C22orf23: variants seen among roughly 807,000 people sequenced by gnomAD.
The protein encoded by C22orf23 is UPF0193 protein EVG1.
A neutral mutation model predicts 29.7 loss-of-function variants in C22orf23; 30 were observed. The ratio of observed to expected loss-of-function variants is 1.01; its 90% CI spans 0.76 to 1.37. The LOEUF (loss-of-function observed/expected upper bound fraction) is 1.37, where lower values mean the gene tolerates loss of function less well. Among genes scored for constraint, C22orf23 ranks in the 40% most tolerant of loss-of-function variants. C22orf23 has a pLI of 0.00. For missense variants in C22orf23, 237 were observed against 273.1 expected, an observed-to-expected ratio of 0.87 and a Z score of 0.93; for synonymous variants, 90 against 96.1, an observed-to-expected ratio of 0.94 and a Z score of 0.37.
chr22:37,948,763 A>G (rs1930848765), intron 3 of C22orf23, among the ~76,000 whole-genome samples: 1 of 152,226 alleles, frequency 6.6e-6, no homozygotes, highest in Non-Finnish European at 1.5e-5. Context: ...TGATGCTTAT[A>G]CAAACATGTT....
chr22:37,953,617 C>G (rs1931214023), upstream of C22orf23: 1 of 731,626 alleles, frequency 1.4e-6, no homozygotes, highest in Non-Finnish European at 2.2e-6. Context: ...CGCGCACACA[C>G]CAGTCAGCGC....
At chr22:37,944,881 T>G in intron 5 of C22orf23, 161 bp downstream of exon 5, 1 of 802,792 alleles carries the variant, frequency 1.2e-6, no homozygotes, top group South Asian at 2.2e-5. Flanking sequence ...GCCTGGGCAA[T>G]AAGAGCAAGA....
chr22:37,946,377 G>A (rs1408331270), intron 4 of C22orf23, among the ~76,000 whole-genome samples: 1 of 152,056 alleles, frequency 6.6e-6, no homozygotes, highest in Non-Finnish European at 1.5e-5. Context: ...AGTGAGCCGA[G>A]ATCGTGCCAC....
chr22:37,951,535 G>C lies in C22orf23; in HGVS notation c.104-13C>G. ...TCCTTCATCATCACTGCACGACAAA[G>C]CATTCTATGAGGCCTCTTGGGCTGC... On this transcript the variant is annotated splice_polypyrimidine_tract_variant and intron_variant, in intron 2 of 6. Transcript: ENST00000403305. 1 of 1,613,638 alleles carries C rather than the reference G, an allele frequency of 6.2e-7. No individual in the cohort carries two copies. The highest frequency in any genetic ancestry group is 8.5e-7 in the Non-Finnish European group (1 of 1,179,720).
chr22:37,948,606 G>A (rs962573084), intron 3 of C22orf23, among the ~76,000 whole-genome samples: 1 of 152,198 alleles, frequency 6.6e-6, no homozygotes, highest in African/African-American at 2.4e-5. Context: ...GGGCAACAGA[G>A]TGAGACTCTG....
At chr22:37,953,641 C>T (rs539794413), upstream of C22orf23, 21 of 970,294 alleles carry the variant, frequency 2.2e-5, no homozygotes, top group Non-Finnish European at 3.1e-5. Context: ...CGCACTTTCC[C>T]CGCTCTGTCC....
intron 4 of C22orf23, 118 bp downstream of exon 4, chr22:37,947,163 A>C (rs1930744540): frequency 9.3e-7 from 1 of 1,079,072 alleles, no homozygotes; most frequent in Admixed American, 2.0e-5. Context: ...GCATTGGTAC[A>C]AAGTGCATGG....
chr22:37,944,383 T>C, intron 6 of C22orf23, 34 bp downstream of exon 6: 1 of 1,613,308 alleles, frequency 6.2e-7, no homozygotes, highest in Non-Finnish European at 8.5e-7. Context: ...CGCTGGGCCC[T>C]TCCCCTCCCC....
intron 5 of C22orf23, 165 bp from the exon 6 acceptor site, chr22:37,944,682 C>T (rs1012858270): frequency 8.1e-6 from 5 of 616,062 alleles, no homozygotes; most frequent in East Asian, 5.7e-5. Context: ...AGGTGGATCA[C>T]GAGGTCAGGA....
chr22:37,953,649 T>C (rs1342863043), upstream of C22orf23: 1 of 1,061,390 alleles, frequency 9.4e-7, no homozygotes, highest in African/African-American at 1.6e-5. Context: ...CCCCGCTCTG[T>C]CCTGCCTCCC....
chr22:37,953,234 C>A (rs1931181034), intron 1 of C22orf23, 76 bp from the exon 2 acceptor site: 8 of 1,045,546 alleles, frequency 7.7e-6, no homozygotes, highest in Middle Eastern at 2.2e-4. Flanking sequence ...CCAACACCCC[C>A]AGAAGTCTGG....
chr22:37,944,773 C>T (rs1210056311), intron 5 of C22orf23: 1 of 567,716 alleles, frequency 1.8e-6, no homozygotes, highest in Non-Finnish European at 3.1e-6. Context: ...GTGGCGGGCG[C>T]TGGTAATCCC....
rs542756193 is a variant in C22orf23, at chr22:37,944,937, T to G, written c.481+105A>C. 3 of 1,096,146 alleles carry G rather than the reference T, an allele frequency of 2.7e-6. No homozygotes were observed. In the East Asian group the frequency reaches 7.4e-5, roughly 27 times the overall value. 67.9% of individuals were successfully genotyped at this position (1,096,146 alleles called of 1,614,324 possible). A position where few individuals can be genotyped will look rare whatever the true frequency, so the allele number is the denominator to read the frequency against. ...AAATAAATAAATAGTGTTTCTCACT[T>G]GTTGGCCCTTGGCCCTCAGGGATCC... On this transcript the variant is annotated intron_variant, in intron 5 of 6. Coordinates refer to ENST00000403305, the MANE Select transcript of C22orf23 (RefSeq NM_032561.5).
intron 3 of C22orf23, among the ~76,000 whole-genome samples, chr22:37,950,096 G>A (rs1930925705): frequency 6.6e-6 from 1 of 151,822 alleles, no homozygotes; most frequent in Non-Finnish European, 1.5e-5. Flanking sequence ...CACCACAGCT[G>A]ACCTGTTTTT....
chr22:37,953,349 C>T (rs1013804191), intron 1 of C22orf23, 99 bp downstream of exon 1: 6 of 580,202 alleles, frequency 1.0e-5, no homozygotes, highest in Non-Finnish European at 1.8e-5. Context: ...TCATTCTGAC[C>T]CAGCGCCTGT....
rs753430662 is a variant in C22orf23, at chr22:37,944,504, G to C, written c.495C>G (p.Ile165Met). ...CAGCCAGGAATTCTTTCCTCTCCTGGATTTCCTTCACCACTGGACAGAGGA... is the reference window on the plus strand; with the variant it reads ...CAGCCAGGAATTCTTTCCTCTCCTGCATTTCCTTCACCACTGGACAGAGGA... ...LDRFEELVKE[I>M]QERKEFLADM... The change falls in exon 6 of 7, where the codon ATC becomes ATG. Residue 165 changes from isoleucine (I) to methionine (M), a missense_variant. Ile to Met is a conservative substitution (Grantham distance 10). Coordinates refer to ENST00000403305, the MANE Select transcript of C22orf23 (RefSeq NM_032561.5). The C allele has an allele frequency of 1.7e-5, 27 of 1,613,872 alleles. No homozygotes were observed. The Admixed American group carries it at 3.8e-4, about 23-fold the overall frequency.
chr22:37,945,195 G>C, intron 4 of C22orf23, 22 bp from the exon 5 acceptor site: 1 of 1,602,550 alleles, frequency 6.2e-7, no homozygotes, highest in South Asian at 1.1e-5. Flanking sequence ...AAAAGAAATG[G>C]CCTAGTTAGG....
In C22orf23 at chr22:37,944,471, C is replaced by T. The variant is rs1385785626; in HGVS notation, c.528G>A (p.Glu176=). 6.2e-7 allele frequency: 1 copy of T among 1,614,060 alleles called. No individual in the cohort carries two copies. Among genetic ancestry groups the T allele is most frequent in the Admixed American group, 1.7e-5 (1 of 60,004 alleles). ...GGTACTGTTTGCCCTGTCCCAGGGC[C>T]TCCATGTCAGCCAGGAATTCTTTCC... The part of the protein sequence containing the change: ...QERKEFLADM[E]ALGQGKQYRG... The change falls in exon 6 of 7, where the codon GAG becomes GAA. Residue 176 remains glutamate (E), a synonymous_variant. Coordinates refer to ENST00000403305, the MANE Select transcript of C22orf23 (RefSeq NM_032561.5).
In C22orf23 at chr22:37,945,083, C is replaced by A. The variant is rs764924637; in HGVS notation, c.440G>T (p.Arg147Leu). ...EERKRKAPPA[R>L]QKAPAPELDR... ...TAGCTCAGGGGCTGGAGCCTTCTGT[C>A]GTGCAGGAGGGGCCTTTCTTTTCCG... Residue 147 changes from arginine (R) to leucine (L), a missense_variant, in exon 5 of 7, where the codon CGA becomes CTA. Physicochemically the swap from Arg to Leu is moderately radical, Grantham distance 102. Coordinates refer to ENST00000403305, the MANE Select transcript of C22orf23 (RefSeq NM_032561.5). The A allele has an allele frequency of 1.9e-6, 3 of 1,613,494 alleles. No homozygotes were observed. The highest frequency in any genetic ancestry group is 2.2e-5 in the East Asian group (1 of 44,820).
Sources: allele counts gnomAD v4.1 joint callset (sites outside exome capture counted in the v4.1 genomes callset), GRCh38; gene constraint gnomAD v4.1.1; transcripts MANE v1.5; gene names NCBI Gene and HGNC (gene_info 2026-07-23, HGNC 2026-07-21).